The following PDGFD variants were observed in gnomAD, a reference collection of about 807,000 sequenced individuals.
PDGFD encodes platelet derived growth factor D.
Under a neutral mutation model 44.7 loss-of-function variants are expected in PDGFD, and 30 were observed. That is an observed-to-expected ratio of 0.67 (90% CI 0.50 to 0.91). The LOEUF (loss-of-function observed/expected upper bound fraction) is 0.91, where lower values mean the gene tolerates loss of function less well. PDGFD is among the 40% of genes least tolerant of loss of function. The pLI is 0.00. For missense variants in PDGFD, 445 were observed against 457.8 expected, an observed-to-expected ratio of 0.97 and a Z score of 0.25; for synonymous variants, 173 against 168.4, an observed-to-expected ratio of 1.03 and a Z score of -0.21.
intron 1 of PDGFD, among the ~76,000 whole-genome samples, chr11:104,022,882 CT>C (rs1859984306): frequency 6.6e-6 from 1 of 151,888 alleles, no homozygotes; most frequent in South Asian, 2.1e-4. Context: ...TTCCTGAACA[CT>C]ATGTAGGTAG....
intron 1 of PDGFD, among the ~76,000 whole-genome samples, chr11:104,041,427 T>C (rs1453919690): frequency 3.9e-5 from 6 of 152,128 alleles, no homozygotes; most frequent in Non-Finnish European, 5.9e-5. Flanking sequence ...AAAATCCTCC[T>C]CTTAAATTTC....
At chr11:104,045,796 T>C (rs1278536002) in intron 1 of PDGFD, among the ~76,000 whole-genome samples, 1 of 147,214 alleles carries the variant, frequency 6.8e-6, no homozygotes, top group African/African-American at 2.5e-5. Context: ...ATGAACAGAA[T>C]GTAAGGTAGG....
chr11:104,085,536 T>C (rs1052618463), intron 1 of PDGFD, among the ~76,000 whole-genome samples: 1 of 152,160 alleles, frequency 6.6e-6, no homozygotes, highest in South Asian at 2.1e-4. Context: ...ATGTATTATA[T>C]AGACATTTTC....
At chr11:103,987,484 T>A (rs925308829) in intron 3 of PDGFD, among the ~76,000 whole-genome samples, 4 of 152,184 alleles carry the variant, frequency 2.6e-5, no homozygotes, top group Non-Finnish European at 5.9e-5. Context: ...ACTGTGTAAG[T>A]GTACCCATGT....
intron 1 of PDGFD, among the ~76,000 whole-genome samples, chr11:104,047,310 C>T (rs1345575703): frequency 2.7e-5 from 4 of 147,384 alleles, no homozygotes; most frequent in African/African-American, 7.4e-5. Context: ...CTTGAAGAAT[C>T]GCCACACTGT....
chr11:104,147,001 C>T (rs1240603029), intron 1 of PDGFD, among the ~76,000 whole-genome samples: 2 of 109,810 alleles, frequency 1.8e-5, no homozygotes, highest in African/African-American at 6.8e-5. Context: ...CCGGGGCATA[C>T]TAAAAAAAAA....
rs558802250 is a variant in PDGFD, at chr11:104,108,585, A to G, written c.124+55219T>C. ...GGAGAGGATGTGGAGAAATAGGAAC[A>G]CTTTTACACTGTTGGTGAGACTGTA... On this transcript the variant is annotated intron_variant, in intron 1 of 6. Coordinates refer to ENST00000393158, the MANE Select transcript of PDGFD (RefSeq NM_025208.5). Among the ~76,000 whole-genome samples the G allele has an allele frequency of 4.6e-5, 7 of 152,288 alleles. No homozygotes were observed. In the East Asian group the frequency reaches 1.2e-3, roughly 25 times the overall value.
chr11:103,986,982 G>A (rs1859375866), intron 3 of PDGFD, among the ~76,000 whole-genome samples: 1 of 152,056 alleles, frequency 6.6e-6, no homozygotes, highest in African/African-American at 2.4e-5. Flanking sequence ...TCCGCAACCA[G>A]GAACTGACTG....
Position 104,161,950 on chromosome 11 carries a change from A to AGAGAGAGT in PDGFD, c.124+1853_124+1854insACTCTCTC, listed in dbSNP as rs142168784. 2.5e-3 allele frequency among the ~76,000 whole-genome samples: 370 copies of AGAGAGAGT among 149,012 alleles called. 2 individuals carry two copies. Among genetic ancestry groups the AGAGAGAGT allele is most frequent in the African/African-American group, 7.1e-3 (287 of 40,654 alleles). ...TGAGCAATCAGAACTAATCAAAGAGAGTGTGTGTGTGTGTGTGTGTGTGTG... is the reference window on the plus strand; with the variant it reads ...TGAGCAATCAGAACTAATCAAAGAGAGAGAGAGTGTGTGTGTGTGTGTGTGTGTGTGTG... On this transcript the variant is annotated intron_variant, in intron 1 of 6. Transcript: ENST00000393158.
At chr11:104,073,218 C>T (rs1402497231) in intron 1 of PDGFD, among the ~76,000 whole-genome samples, 3 of 152,064 alleles carry the variant, frequency 2.0e-5, no homozygotes, top group African/African-American at 7.2e-5. Context: ...ATTTTCTAGA[C>T]CTATCCTGAG....
At chr11:104,138,753 G>A (rs1300794086) in intron 1 of PDGFD, among the ~76,000 whole-genome samples, 1 of 152,002 alleles carries the variant, frequency 6.6e-6, no homozygotes, top group South Asian at 2.1e-4. Context: ...TTAAACATAG[G>A]GTACAGTATG....
At position 103,932,698 on chromosome 11, in the gene PDGFD, T is replaced by C. The variant is rs117799938; in HGVS notation, c.773-5572A>G. 2.6e-5 allele frequency among the ~76,000 whole-genome samples: 4 copies of C among 152,314 alleles called. 1 individual carries two copies. The East Asian group carries it at 7.7e-4, about 29-fold the overall frequency. ...AGGTGCTGCTGAAGGAAGCACAACA[T>C]CGTCTTTGTGCCAGATTCCCTTTGC... is the stretch of plus-strand genomic sequence containing the variant. On this transcript the variant is annotated intron_variant, in intron 5 of 6. Transcript: ENST00000393158.
chr11:104,021,496 T>C (rs891830912), intron 1 of PDGFD, among the ~76,000 whole-genome samples: 9 of 152,150 alleles, frequency 5.9e-5, no homozygotes, highest in Admixed American at 1.3e-4. Context: ...TGGGTACTAA[T>C]TGTGATTCTA....
intron 6 of PDGFD, among the ~76,000 whole-genome samples, chr11:103,914,716 A>G (rs1047918081): frequency 1.3e-5 from 2 of 152,182 alleles, no homozygotes; most frequent in African/African-American, 2.4e-5. Flanking sequence ...CTGGCAAACC[A>G]AATCCAGCAG....
At chr11:104,049,848 A>T (rs1860501495) in intron 1 of PDGFD, among the ~76,000 whole-genome samples, 1 of 152,040 alleles carries the variant, frequency 6.6e-6, no homozygotes, top group Non-Finnish European at 1.5e-5. Context: ...GACAAGAGTG[A>T]CTCTGTGAGG....
chr11:104,055,259 C>T (rs1029809599), intron 1 of PDGFD, among the ~76,000 whole-genome samples: 8 of 152,150 alleles, frequency 5.3e-5, no homozygotes, highest in Non-Finnish European at 7.4e-5. Context: ...TGGGGTCACA[C>T]GGATGTGAGT....
At chr11:104,093,955 A>T (rs779566125) in intron 1 of PDGFD, among the ~76,000 whole-genome samples, 5 of 151,224 alleles carry the variant, frequency 3.3e-5, no homozygotes, top group African/African-American at 9.7e-5. Context: ...CTTTTCAGAG[A>T]AAAAAGTCTT....
intron 1 of PDGFD, among the ~76,000 whole-genome samples, chr11:104,056,342 A>C (rs1476728846): frequency 6.6e-6 from 1 of 152,188 alleles, no homozygotes; most frequent in Non-Finnish European, 1.5e-5. Context: ...AAATACGGTC[A>C]AGTCTTAACC....
chr11:103,909,855 T>C (rs1215941097), intron 6 of PDGFD, 36 bp from the exon 7 acceptor site: 3 of 1,613,400 alleles, frequency 1.9e-6, no homozygotes, highest in Middle Eastern at 1.6e-4. Flanking sequence ...TAGAAAGCCT[T>C]TGGAGTTCAA....
Sources: gnomAD v4.1 joint callset for allele counts (sites outside exome capture counted in the v4.1 genomes callset) on GRCh38, gnomAD v4.1.1 for gene constraint, MANE v1.5 for transcripts, NCBI Gene and HGNC (gene_info 2026-07-23, HGNC 2026-07-21) for gene names.